Variants in OR1J2 observed in about 807,000 individuals in gnomAD.
OR1J2 encodes olfactory receptor family 1 subfamily J member 2.
For missense variants in OR1J2, 304 were observed against 246.1 expected (o/e 1.24, Z -1.57); for synonymous variants, 142 against 99.7 (o/e 1.42, Z -2.52).
At chr9:122,475,877 T>G in the OR1J2 span, 1 of 152,218 alleles carries the variant, frequency 6.6e-6, no homozygotes, top group Non-Finnish European at 1.5e-5. Context: ...GAGCTAATTA[T>G]TCCTCTTCAA....
the OR1J2 span, among the ~76,000 whole-genome samples, chr9:122,480,957 GC>G: frequency 6.6e-6 from 1 of 152,034 alleles, no homozygotes; most frequent in African/African-American, 2.4e-5. Context: ...ACTACGCCCA[GC>G]TAATTTTTGT....
the OR1J2 span, among the ~76,000 whole-genome samples, chr9:122,562,324 G>A: frequency 6.6e-6 from 1 of 152,252 alleles, no homozygotes; most frequent in Non-Finnish European, 1.5e-5. Context: ...TTAGGCAGCA[G>A]GCAGTTGCAG....
chr9:122,578,245 T>C, the OR1J2 span: 1 of 152,014 alleles, frequency 6.6e-6, no homozygotes, highest in African/African-American at 2.4e-5. Context: ...GGTCAGGAGT[T>C]TGAGACCAGC....
the OR1J2 span, among the ~76,000 whole-genome samples, chr9:122,543,431 G>C: frequency 1.2e-4 from 19 of 152,292 alleles, no homozygotes; most frequent in East Asian, 3.5e-3. Flanking sequence ...TTGAACTCCT[G>C]TGCTCAAGTG....
the OR1J2 span, among the ~76,000 whole-genome samples, chr9:122,450,802 T>C: frequency 0.3 from 45,825 of 151,958 alleles, 7,173 homozygotes; most frequent in African/African-American, 0.38. Context: ...TTTACTTCTA[T>C]GAATTTGACT....
the OR1J2 span, among the ~76,000 whole-genome samples, chr9:122,471,743 A>G: frequency 1.3e-5 from 2 of 152,184 alleles, no homozygotes; most frequent in Non-Finnish European, 1.5e-5. Flanking sequence ...TCAAATTTCT[A>G]TCATGGCCCA....
At chr9:122,571,586 C>T in the OR1J2 span, among the ~76,000 whole-genome samples, 13 of 147,112 alleles carry the variant, frequency 8.8e-5, no homozygotes, top group South Asian at 2.2e-4. Context: ...TGTGGTGGGG[C>T]GCACCTGTAG....
chr9:122,565,047 G>C, the OR1J2 span, among the ~76,000 whole-genome samples: 1 of 152,030 alleles, frequency 6.6e-6, no homozygotes, highest in Non-Finnish European at 1.5e-5. Context: ...ATACTTCCTC[G>C]TGAAATTTAT....
chr9:122,553,977 G>C, the OR1J2 span: 1 of 1,613,472 alleles, frequency 6.2e-7, no homozygotes, highest in South Asian at 1.1e-5. Context: ...GCTCTTCTAT[G>C]GGTCTCTTAT....
the OR1J2 span, among the ~76,000 whole-genome samples, chr9:122,547,207 G>T: frequency 3.3e-5 from 5 of 151,990 alleles, no homozygotes; most frequent in Non-Finnish European, 5.9e-5. Context: ...TTGTTTTATT[G>T]TCTTTGATAA....
At chr9:122,500,803 C>G in the OR1J2 span, among the ~76,000 whole-genome samples, 1 of 152,038 alleles carries the variant, frequency 6.6e-6, no homozygotes, top group Non-Finnish European at 1.5e-5. Context: ...TAGGCTTTGA[C>G]TTTTGAAAGT....
At chr9:122,518,801 C>T in the OR1J2 span, among the ~76,000 whole-genome samples, 1 of 152,154 alleles carries the variant, frequency 6.6e-6, no homozygotes, top group East Asian at 1.9e-4. Context: ...CATGACTAGC[C>T]TGATGATTGT....
the OR1J2 span, among the ~76,000 whole-genome samples, chr9:122,470,294 G>C: frequency 6.6e-6 from 1 of 152,330 alleles, no homozygotes; most frequent in African/African-American, 2.4e-5. Context: ...TAGCTGAAAG[G>C]GGCCAACATA....
the OR1J2 span, among the ~76,000 whole-genome samples, chr9:122,493,356 T>A: frequency 5.9e-4 from 90 of 152,272 alleles, 1 homozygote; most frequent in Admixed American, 3.9e-3. Flanking sequence ...TTGGCATTTT[T>A]AAAAATTACC....
chr9:122,569,328 G>A, the OR1J2 span, among the ~76,000 whole-genome samples: 73 of 151,872 alleles, frequency 4.8e-4, no homozygotes, highest in East Asian at 7.5e-3. Flanking sequence ...TATCTTTTAC[G>A]TGTTAAAAAT....
chr9:122,496,913 C>G, the OR1J2 span, among the ~76,000 whole-genome samples: 1 of 152,088 alleles, frequency 6.6e-6, no homozygotes, highest in Non-Finnish European at 1.5e-5. Context: ...GATTTTGGGG[C>G]CACAGGATTT....
At chr9:122,519,565 A>G in the OR1J2 span, 1 of 1,614,072 alleles carries the variant, frequency 6.2e-7, no homozygotes, top group Non-Finnish European at 8.5e-7. Context: ...GGACTGTGTA[A>G]CTTACTAGTC....
the OR1J2 span, among the ~76,000 whole-genome samples, chr9:122,523,298 G>T: frequency 6.6e-6 from 1 of 152,116 alleles, no homozygotes; most frequent in Non-Finnish European, 1.5e-5. Context: ...ATCAAGAGGT[G>T]AGTCTAGACA....
chr9:122,514,699 C>CA (rs1359370726), downstream of OR1J2, among the ~76,000 whole-genome samples: 5 of 151,990 alleles, frequency 3.3e-5, no homozygotes, highest in Non-Finnish European at 5.9e-5. Flanking sequence ...AGCAGCAAAC[C>CA]AAAAAAGAAT....
Sources: allele counts gnomAD v4.1 joint callset (sites outside exome capture counted in the v4.1 genomes callset), GRCh38; gene constraint gnomAD v4.1.1; transcripts MANE v1.5; gene names NCBI Gene and HGNC (gene_info 2026-07-23, HGNC 2026-07-21).